Variants in MED12L observed in about 807,000 individuals in gnomAD.
MED12L encodes the protein mediator complex subunit 12L.
In MED12L, 60 loss-of-function variants were observed where a neutral mutation model predicts 281.3. The observed-to-expected ratio is 0.21, with a 90% CI of 0.17 to 0.26. The LOEUF is 0.26. Among genes scored for constraint, MED12L ranks in the 10% least tolerant of loss-of-function variants. The probability of loss-of-function intolerance (pLI) is 1.00; values close to 1 mark genes in which losing one functional copy is unlikely to be tolerated. For missense variants in MED12L, 2,146 were observed against 2,680.9 expected (o/e 0.80, Z 4.41); for synonymous variants, 974 against 987.2 (o/e 0.99, Z 0.25).
intron 5 of MED12L, among the ~76,000 whole-genome samples, chr3:151,155,011 G>A (rs915782986): frequency 6.6e-6 from 1 of 152,124 alleles, no homozygotes; most frequent in African/African-American, 2.4e-5. Flanking sequence ...TAAAATAAGT[G>A]GTTTAGATGA....
At chr3:151,239,115 GA>G in intron 16 of MED12L, among the ~76,000 whole-genome samples, 1 of 152,278 alleles carries the variant, frequency 6.6e-6, no homozygotes, top group South Asian at 2.1e-4. Context: ...TAATTAGTAT[GA>G]TTTTTTGGTA....
chr3:151,376,774 G>GT, intron 28 of MED12L, 26 bp from the exon 29 acceptor site: 1 of 1,593,580 alleles, frequency 6.3e-7, no homozygotes, highest in South Asian at 1.1e-5. Flanking sequence ...TACCCATAAT[G>GT]TTTTAATTCT....
chr3:151,151,337 T>C (rs1034686065), intron 5 of MED12L, among the ~76,000 whole-genome samples: 1 of 151,950 alleles, frequency 6.6e-6, no homozygotes, highest in Non-Finnish European at 1.5e-5. Context: ...GCACCCAGCC[T>C]GAAGTAGCAT....
intron 23 of MED12L, among the ~76,000 whole-genome samples, chr3:151,367,002 G>A (rs989873786): frequency 6.6e-6 from 1 of 152,116 alleles, no homozygotes; most frequent in African/African-American, 2.4e-5. Context: ...CATATGGTGC[G>A]AATCAGTATG....
chr3:151,113,779 T>G (rs1450695218), intron 2 of MED12L, among the ~76,000 whole-genome samples: 2 of 152,140 alleles, frequency 1.3e-5, no homozygotes, highest in Non-Finnish European at 2.9e-5. Context: ...GATTCTGAGT[T>G]TGTGCACACA....
chr3:151,125,710 T>A (rs956173599), intron 4 of MED12L, among the ~76,000 whole-genome samples: 5 of 152,254 alleles, frequency 3.3e-5, no homozygotes, highest in Admixed American at 6.5e-5. Context: ...TATTGAACTC[T>A]GTGCTTTTCT....
chr3:151,398,103 T>A (rs1715215983), intron 39 of MED12L, among the ~76,000 whole-genome samples: 1 of 152,224 alleles, frequency 6.6e-6, no homozygotes, highest in Admixed American at 6.5e-5. Flanking sequence ...ATGAATAATG[T>A]AAGATTTGAA....
At chr3:151,396,050 CAATT>C (rs1714924188) in intron 39 of MED12L, among the ~76,000 whole-genome samples, 1 of 152,158 alleles carries the variant, frequency 6.6e-6, no homozygotes, top group South Asian at 2.1e-4. Flanking sequence ...TGACCTCTAA[CAATT>C]AATTGCTTTA....
chr3:151,372,329 A>G (rs1001872264), intron 26 of MED12L, among the ~76,000 whole-genome samples: 1 of 152,214 alleles, frequency 6.6e-6, no homozygotes. Context: ...AACTATAATT[A>G]TACAAACAAA....
At chr3:151,247,927 A>G (rs1312685878) in intron 16 of MED12L, among the ~76,000 whole-genome samples, 2 of 100,564 alleles carry the variant, frequency 2.0e-5, no homozygotes, top group African/African-American at 7.4e-5. Flanking sequence ...TTTTAAAAAG[A>G]TTTTCTTTTG....
At chr3:151,339,029 C>T (rs1283771454) in intron 16 of MED12L, among the ~76,000 whole-genome samples, 3 of 152,110 alleles carry the variant, frequency 2.0e-5, no homozygotes, top group African/African-American at 4.8e-5. Flanking sequence ...TATTTCATTG[C>T]AGCAAATATT....
intron 16 of MED12L, among the ~76,000 whole-genome samples, chr3:151,262,820 C>T (rs1739148209): frequency 6.6e-6 from 1 of 152,114 alleles, no homozygotes; most frequent in African/African-American, 2.4e-5. Context: ...TATATTAACT[C>T]ATTAAAACCT....
rs1560162406 is a variant in MED12L, at chr3:151,434,545, A to AT, written c.*1746dup. ...GAAGATGTATCATCTATCTGTACACATTTTTGCTGGTTTTGTATATCAGAT... is the reference window on the plus strand; with the variant it reads ...GAAGATGTATCATCTATCTGTACACATTTTTTGCTGGTTTTGTATATCAGAT... On this transcript the variant is annotated 3_prime_UTR_variant, in exon 45 of 45. Transcript: ENST00000687756. 3.3e-5 allele frequency: 5 copies of AT among 152,088 alleles called. No homozygotes were observed. Among genetic ancestry groups the AT allele is most frequent in the Non-Finnish European group, 7.4e-5 (5 of 68,018 alleles). The allele number at this position is 152,088 out of a possible 1,614,324, so 9.4% of individuals were successfully genotyped here. A position where few individuals can be genotyped will look rare whatever the true frequency, so the allele number is the denominator to read the frequency against.
intron 16 of MED12L, chr3:151,212,752 G>A (rs1727386908): frequency 6.6e-6 from 1 of 151,650 alleles, no homozygotes; most frequent in African/African-American, 2.4e-5. Context: ...CATCAATAAG[G>A]GGTTTCTTAA....
intron 39 of MED12L, among the ~76,000 whole-genome samples, chr3:151,403,671 C>T (rs1041342346): frequency 1.3e-4 from 20 of 152,098 alleles, no homozygotes; most frequent in African/African-American, 4.6e-4. Context: ...AGGTAGCCAA[C>T]CCACAACATA....
intron 16 of MED12L, among the ~76,000 whole-genome samples, chr3:151,239,657 T>A (rs1298891660): frequency 6.6e-6 from 1 of 152,210 alleles, no homozygotes. Context: ...ACACAAAAGC[T>A]CTTTGAGGTC....
In MED12L at chr3:151,116,545, A is replaced by G; in HGVS notation, c.204+103A>G. On this transcript the variant is annotated intron_variant, in intron 3 of 44. Coordinates refer to ENST00000687756, the MANE Select transcript of MED12L (RefSeq NM_001393769.1). ...ATTAGTGTTGTTTAAGCCACAGTCCATATTCAGATTTCCCCCAAATACCAT... is the reference window on the plus strand; with the variant it reads ...ATTAGTGTTGTTTAAGCCACAGTCCGTATTCAGATTTCCCCCAAATACCAT... 4 of 727,782 alleles carry G rather than the reference A, an allele frequency of 5.5e-6. 1 individual carries two copies. The South Asian group carries it at 7.1e-5, about 13-fold the overall frequency. 45.1% of individuals were successfully genotyped at this position (727,782 alleles called of 1,614,324 possible).
At chr3:151,400,001 A>T (rs888932838) in intron 39 of MED12L, among the ~76,000 whole-genome samples, 1 of 151,954 alleles carries the variant, frequency 6.6e-6, no homozygotes, top group African/African-American at 2.4e-5. Flanking sequence ...TGATTTTTGT[A>T]TTTGTAATAG....
At chr3:151,302,964 A>C (rs1001306796) in intron 16 of MED12L, among the ~76,000 whole-genome samples, 1 of 152,166 alleles carries the variant, frequency 6.6e-6, no homozygotes, top group Non-Finnish European at 1.5e-5. Context: ...GAGGGGAAGC[A>C]AGGATTACAG....
Sources: allele counts gnomAD v4.1 joint callset (sites outside exome capture counted in the v4.1 genomes callset), GRCh38; gene constraint gnomAD v4.1.1; transcripts MANE v1.5; gene names NCBI Gene and HGNC (gene_info 2026-07-23, HGNC 2026-07-21).